The following TRPM3 variants were observed in gnomAD, a reference collection of about 807,000 sequenced individuals.
The protein encoded by TRPM3 is long transient receptor potential channel 3.
In TRPM3, 77 loss-of-function variants were observed where a neutral mutation model predicts 181.2. That is an observed-to-expected ratio of 0.42 (90% CI 0.35 to 0.51). The LOEUF is 0.51. Ranked by LOEUF, TRPM3 falls within the 20% of genes least tolerant of loss-of-function variation. The probability of loss-of-function intolerance (pLI) is 0.01; values close to 1 mark genes in which losing one functional copy is unlikely to be tolerated. For missense variants in TRPM3, 1,759 were observed against 2,196.7 expected, an observed-to-expected ratio of 0.80 and a Z score of 3.98; for synonymous variants, 745 against 796.4, an observed-to-expected ratio of 0.94 and a Z score of 1.09.
At chr9:70,662,563 A>G (rs2061285658) in intron 9 of TRPM3, among the ~76,000 whole-genome samples, 1 of 152,178 alleles carries the variant, frequency 6.6e-6, no homozygotes, top group Admixed American at 6.5e-5. Flanking sequence ...AAATAATCCC[A>G]TGAAAAAGTG....
intron 9 of TRPM3, among the ~76,000 whole-genome samples, chr9:70,653,423 G>A (rs146941803): frequency 1.9e-3 from 284 of 152,074 alleles, no homozygotes; most frequent in African/African-American, 6.5e-3. Flanking sequence ...AGCATGTCAC[G>A]GCCCTAGTGA....
chr9:70,817,461 T>C (rs56887849), intron 6 of TRPM3, among the ~76,000 whole-genome samples: 8,904 of 152,234 alleles, frequency 0.058, 433 homozygotes, highest in East Asian at 0.12. Context: ...AACATATGAA[T>C]AGGAAAAATT....
chr9:70,950,202 CA>C (rs1161439275), intron 1 of TRPM3, among the ~76,000 whole-genome samples: 1 of 152,104 alleles, frequency 6.6e-6, no homozygotes, highest in Non-Finnish European at 1.5e-5. Context: ...ATTTAATATG[CA>C]AAATGACTTT....
At chr9:70,923,167 A>G (rs1269276231) in intron 1 of TRPM3, among the ~76,000 whole-genome samples, 1 of 152,236 alleles carries the variant, frequency 6.6e-6, no homozygotes, top group African/African-American at 2.4e-5. Context: ...ACTAGTTAAT[A>G]AAAACAAAAA....
chr9:70,680,638 C>A (rs1246512890), intron 9 of TRPM3, among the ~76,000 whole-genome samples: 6 of 152,208 alleles, frequency 3.9e-5, no homozygotes, highest in Non-Finnish European at 8.8e-5. Flanking sequence ...AGCAGGCAAA[C>A]AAACTATGGG....
chr9:70,958,256 C>T (rs2097099875), intron 1 of TRPM3, among the ~76,000 whole-genome samples: 1 of 152,150 alleles, frequency 6.6e-6, no homozygotes, highest in South Asian at 2.1e-4. Flanking sequence ...TTCTGTGCTA[C>T]ATGGGCATAT....
At chr9:70,921,964 CACACACACACAT>C (rs1344398323) in intron 1 of TRPM3, among the ~76,000 whole-genome samples, 1 of 151,728 alleles carries the variant, frequency 6.6e-6, no homozygotes, top group African/African-American at 2.4e-5. Context: ...CACACACACA[CACACACACACAT>C]ATAGTTATTT....
At chr9:70,753,861 C>T (rs13298241) in intron 8 of TRPM3, among the ~76,000 whole-genome samples, 33,206 of 151,902 alleles carry the variant, frequency 0.22, 4,453 homozygotes, top group Non-Finnish European at 0.3. Flanking sequence ...ACTGATTGGA[C>T]GCTAGGAGGT....
intron 1 of TRPM3, among the ~76,000 whole-genome samples, chr9:71,361,774 T>C (rs1201655994): frequency 6.6e-6 from 1 of 152,226 alleles, no homozygotes; most frequent in Non-Finnish European, 1.5e-5. Context: ...TTTCAGTCTA[T>C]ACTACACTGT....
At chr9:70,805,534 GA>G (rs534322844) in intron 6 of TRPM3, among the ~76,000 whole-genome samples, 5,181 of 79,798 alleles carry the variant, frequency 0.065, 21 homozygotes, top group Non-Finnish European at 0.099. Context: ...ACTCCATCTC[GA>G]AAAAAAAAAA....
chr9:70,876,363 A>G (rs555372534), intron 1 of TRPM3, among the ~76,000 whole-genome samples: 34 of 151,096 alleles, frequency 2.3e-4, no homozygotes, highest in South Asian at 1.5e-3. Flanking sequence ...TGATGCATGT[A>G]GAAATAATCA....
At chr9:71,073,130 G>A (rs2062993700) in intron 1 of TRPM3, among the ~76,000 whole-genome samples, 1 of 152,168 alleles carries the variant, frequency 6.6e-6, no homozygotes, top group African/African-American at 2.4e-5. Flanking sequence ...CTGTCGTAGT[G>A]ATGGTCTCAA....
intron 1 of TRPM3, among the ~76,000 whole-genome samples, chr9:71,184,791 C>T (rs561317103): frequency 6.6e-6 from 1 of 152,148 alleles, no homozygotes; most frequent in East Asian, 1.9e-4. Flanking sequence ...GGCCTGCCAA[C>T]AGCTTTACAT....
At chr9:70,872,311 G>A (rs943593623) in intron 1 of TRPM3, among the ~76,000 whole-genome samples, 3 of 151,866 alleles carry the variant, frequency 2.0e-5, no homozygotes, top group African/African-American at 7.2e-5. Context: ...TGAGTGGTGA[G>A]GTGTCAAGCA....
chr9:70,553,863 C>T (rs926574704), intron 22 of TRPM3, among the ~76,000 whole-genome samples: 1 of 152,154 alleles, frequency 6.6e-6, no homozygotes, highest in Non-Finnish European at 1.5e-5. Flanking sequence ...CAACACAGGG[C>T]AGTGCCTTGG....
At chr9:71,046,221 G>C (rs551615227) in intron 1 of TRPM3, among the ~76,000 whole-genome samples, 2 of 152,104 alleles carry the variant, frequency 1.3e-5, no homozygotes, top group Middle Eastern at 3.4e-3. Context: ...TCCTAACCTC[G>C]TGATCCACCA....
chr9:70,627,493 G>A (rs2064890044), intron 12 of TRPM3, among the ~76,000 whole-genome samples: 1 of 151,618 alleles, frequency 6.6e-6, no homozygotes, highest in Non-Finnish European at 1.5e-5. Context: ...GGCTAGTCTC[G>A]AACTCCTGAC....
At chr9:70,782,137 T>C (rs142324901) in intron 7 of TRPM3, among the ~76,000 whole-genome samples, 2,982 of 152,006 alleles carry the variant, frequency 0.02, 35 homozygotes, top group Middle Eastern at 0.038. Context: ...ATTAAAATTA[T>C]TAAGTTTATT....
At chr9:71,063,395 T>A (rs2061546588) in intron 1 of TRPM3, among the ~76,000 whole-genome samples, 1 of 152,174 alleles carries the variant, frequency 6.6e-6, no homozygotes. Context: ...AGTGACATGG[T>A]CCTTGATGTT....
Sources: gnomAD v4.1 joint callset for allele counts (sites outside exome capture counted in the v4.1 genomes callset) on GRCh38, gnomAD v4.1.1 for gene constraint, MANE v1.5 for transcripts, NCBI Gene and HGNC (gene_info 2026-07-23, HGNC 2026-07-21) for gene names.